RFPL1: variants seen among roughly 807,000 people sequenced by gnomAD.
RFPL1 encodes ret finger protein-like 1.
A neutral mutation model predicts 9.6 loss-of-function variants in RFPL1; 6 were observed. The ratio of observed to expected loss-of-function variants is 0.62; its 90% CI spans 0.34 to 1.23. The LOEUF is 1.23. RFPL1 is among the 50% of genes most tolerant of loss of function. RFPL1 has a pLI of 0.03. For synonymous variants in RFPL1, 145 were observed against 149.4 expected (o/e 0.97, Z 0.22); for missense variants, 352 against 398.4 (o/e 0.88, Z 0.99).
chr22:29,417,936 T>C, the RFPL1 span, among the ~76,000 whole-genome samples: 44 of 141,058 alleles, frequency 3.1e-4, no homozygotes, highest in Admixed American at 3.1e-3. Flanking sequence ...AGACCTTGAA[T>C]GGTTTTTTTT....
chr22:29,421,015 C>G, the RFPL1 span, among the ~76,000 whole-genome samples: 1 of 152,100 alleles, frequency 6.6e-6, no homozygotes, highest in Non-Finnish European at 1.5e-5. Context: ...CCTCACAACT[C>G]TGCATTTCCC....
At chr22:29,429,408 AACT>A in the RFPL1 span, among the ~76,000 whole-genome samples, 3 of 152,176 alleles carry the variant, frequency 2.0e-5, no homozygotes, top group Non-Finnish European at 4.4e-5. Flanking sequence ...GAGCTAGGCT[AACT>A]AAGAAAAAAG....
chr22:29,390,659 G>T, the RFPL1 span, among the ~76,000 whole-genome samples: 1 of 151,228 alleles, frequency 6.6e-6, no homozygotes, highest in Non-Finnish European at 1.5e-5. Flanking sequence ...TCAGTGGCTC[G>T]ATCTCGGCTC....
chr22:29,416,966 A>G, the RFPL1 span, among the ~76,000 whole-genome samples: 38 of 152,312 alleles, frequency 2.5e-4, no homozygotes, highest in South Asian at 6.4e-3. Context: ...TCAATTTTCT[A>G]TCTCTGGAAT....
chr22:29,433,799 G>C (rs2062795593), upstream of RFPL1, among the ~76,000 whole-genome samples: 1 of 152,014 alleles, frequency 6.6e-6, no homozygotes, highest in East Asian at 1.9e-4. Context: ...AGTGGCTATG[G>C]GGCCCTTGAA....
chr22:29,437,783 G>C, upstream of RFPL1: 2 of 1,524,932 alleles, frequency 1.3e-6, no homozygotes, highest in Non-Finnish European at 1.8e-6. Flanking sequence ...TAGAAATGGG[G>C]GTTATGCCTT....
At chr22:29,416,135 C>A in the RFPL1 span, among the ~76,000 whole-genome samples, 7 of 152,232 alleles carry the variant, frequency 4.6e-5, no homozygotes, top group Non-Finnish European at 8.8e-5. Flanking sequence ...AACGCCCTCC[C>A]AGGAGCTCAT....
chr22:29,418,706 G>A, the RFPL1 span, among the ~76,000 whole-genome samples: 12 of 151,986 alleles, frequency 7.9e-5, no homozygotes, highest in East Asian at 2.1e-3. Context: ...CACCACATTG[G>A]CCAGGCTGGT....
At chr22:29,399,691 C>G in the RFPL1 span, among the ~76,000 whole-genome samples, 3 of 152,174 alleles carry the variant, frequency 2.0e-5, no homozygotes, top group African/African-American at 4.8e-5. Context: ...TTGAAGCAAC[C>G]GTTTTCCTCC....
At chr22:29,442,070 T>C in exon 2 of RFPL1, 8 of 1,607,226 alleles carry the variant, frequency 5.0e-6, no homozygotes, top group Non-Finnish European at 6.0e-6. Flanking sequence ...ATCTGTCCTG[T>C]GATAAACCCG....
At chr22:29,432,546 G>A in the RFPL1 span, among the ~76,000 whole-genome samples, 1 of 152,176 alleles carries the variant, frequency 6.6e-6, no homozygotes, top group South Asian at 2.1e-4. Context: ...TCTCTCGGTC[G>A]CCGGCTAATA....
upstream of RFPL1, among the ~76,000 whole-genome samples, chr22:29,436,138 G>T (rs2062807398): frequency 6.6e-6 from 1 of 152,100 alleles, no homozygotes; most frequent in Admixed American, 6.6e-5. Context: ...GGCTGGGAAG[G>T]GTAAGGGGGA....
chr22:29,410,579 A>C, the RFPL1 span, among the ~76,000 whole-genome samples: 15 of 133,428 alleles, frequency 1.1e-4, no homozygotes, highest in Non-Finnish European at 1.4e-4. Flanking sequence ...TATTGTAGAT[A>C]TATCTATCTA....
At chr22:29,417,239 C>T in the RFPL1 span, among the ~76,000 whole-genome samples, 10 of 152,044 alleles carry the variant, frequency 6.6e-5, no homozygotes, top group East Asian at 1.6e-3. Flanking sequence ...GATGTTTCTC[C>T]TCTGTGAGGA....
At chr22:29,438,062 G>C (rs1176107728), upstream of RFPL1, 1 of 211,236 alleles carries the variant, frequency 4.7e-6, no homozygotes, top group East Asian at 1.9e-4. Context: ...TTTGTAGAGA[G>C]GGGGTCTTCC....
chr22:29,426,294 G>T, the RFPL1 span, among the ~76,000 whole-genome samples: 3 of 151,196 alleles, frequency 2.0e-5, no homozygotes, highest in African/African-American at 7.3e-5. Context: ...CTGCACTCTA[G>T]CCTGGGCGAC....
At chr22:29,437,906 G>A, upstream of RFPL1, 1 of 553,004 alleles carries the variant, frequency 1.8e-6, no homozygotes, top group South Asian at 2.4e-5. Flanking sequence ...GTCTAGGAGT[G>A]GTGGCAGTCA....
chr22:29,436,561 C>G (rs1422676204), upstream of RFPL1: 1 of 149,740 alleles, frequency 6.7e-6, no homozygotes, highest in Non-Finnish European at 1.5e-5. Context: ...GTTTGTGCCA[C>G]TGCACTCCAG....
chr22:29,398,150 G>A, the RFPL1 span, among the ~76,000 whole-genome samples: 1 of 152,192 alleles, frequency 6.6e-6, no homozygotes, highest in East Asian at 1.9e-4. Context: ...CTGCACTCAT[G>A]GGGGTGTGGG....
Sources: gnomAD v4.1 joint callset for allele counts (sites outside exome capture counted in the v4.1 genomes callset) on GRCh38, gnomAD v4.1.1 for gene constraint, MANE v1.5 for transcripts, NCBI Gene and HGNC (gene_info 2026-07-23, HGNC 2026-07-21) for gene names.